The following HAUS8 variants were observed in gnomAD, a reference collection of about 807,000 sequenced individuals.
The protein encoded by HAUS8 is HAUS augmin-like complex subunit 8.
HAUS8 carries 38 observed loss-of-function variants against 42.9 expected under a neutral mutation model. That is an observed-to-expected ratio of 0.89 (90% CI 0.68 to 1.16). HAUS8 has a LOEUF of 1.16. HAUS8 is among the 50% of genes most tolerant of loss of function. The pLI is 0.00. For missense variants in HAUS8, 494 were observed against 511.6 expected (o/e 0.97, Z 0.33); for synonymous variants, 199 against 205.8 (o/e 0.97, Z 0.28).
At chr19:17,071,979 C>A (rs2057427758) in intron 2 of HAUS8, among the ~76,000 whole-genome samples, 1 of 152,024 alleles carries the variant, frequency 6.6e-6, no homozygotes, top group African/African-American at 2.4e-5. Flanking sequence ...GAGCGAGACT[C>A]CATCTCAAAA....
chr19:17,055,774 C>G, intron 9 of HAUS8, 87 bp downstream of exon 9: 1 of 1,400,252 alleles, frequency 7.1e-7, no homozygotes. Context: ...AGGGCACTTG[C>G]GGTGATGACA....
intron 1 of HAUS8, chr19:17,074,707 ATC>A (rs2057455194): frequency 6.6e-6 from 1 of 152,402 alleles, no homozygotes; most frequent in African/African-American, 2.4e-5. Context: ...GCTACTGTCA[ATC>A]TATCGGTTAC....
intron 2 of HAUS8, among the ~76,000 whole-genome samples, chr19:17,072,379 G>A (rs960991335): frequency 3.6e-5 from 4 of 112,016 alleles, no homozygotes; most frequent in South Asian, 3.1e-4. Context: ...AGTTTCGCTC[G>A]CCACCCAGGT....
At chr19:17,060,781 C>T (rs974836752) in intron 4 of HAUS8, among the ~76,000 whole-genome samples, 5 of 152,152 alleles carry the variant, frequency 3.3e-5, no homozygotes, top group South Asian at 2.1e-4. Context: ...CATCTTTTAA[C>T]GTATATTCTA....
At chr19:17,069,231 C>G in intron 2 of HAUS8, 145 bp from the exon 3 acceptor site, 1 of 707,498 alleles carries the variant, frequency 1.4e-6, no homozygotes. Context: ...TCCTCCTGCT[C>G]GCCTCTGATC....
Position 17,069,056 on chromosome 19 carries a change from T to G in HAUS8, c.122A>C (p.Gln41Pro). 6.2e-7 allele frequency: 1 copy of G among 1,613,610 alleles called. No homozygotes were observed. The highest frequency in any genetic ancestry group is 8.5e-7 in the Non-Finnish European group (1 of 1,179,778). The part of the protein sequence containing the change: ...GGRVIESRYL[Q>P]YEKKTTQKAP... ...CTTTTGGGTTGTCTTCTTTTCATACTGCAGATACCGGGACTCAATCACTCT... is the reference window on the plus strand; with the variant it reads ...CTTTTGGGTTGTCTTCTTTTCATACGGCAGATACCGGGACTCAATCACTCT... The change falls in exon 3 of 11, where the codon CAG (glutamine) becomes CCG (proline). Residue 41 changes from glutamine to proline, a missense_variant. Transcript: ENST00000253669.
At chr19:17,073,937 G>C (rs2057445521) in intron 1 of HAUS8, 4 of 152,796 alleles carry the variant, frequency 2.6e-5, no homozygotes. Flanking sequence ...GGGAGGCACA[G>C]GTTGCAGTGA....
At chr19:17,062,351 C>T (rs953196781) in intron 4 of HAUS8, among the ~76,000 whole-genome samples, 2 of 152,178 alleles carry the variant, frequency 1.3e-5, no homozygotes, top group African/African-American at 2.4e-5. Context: ...AGGTTGGTCT[C>T]GAACTCCCGA....
At position 17,069,073 on chromosome 19, in the gene HAUS8, A is replaced by G. The variant is rs374553610; in HGVS notation, c.105T>C (p.Ile35=). 3.8e-5 allele frequency: 62 copies of G among 1,613,420 alleles called. No homozygotes were observed. In the African/African-American group the frequency reaches 6.9e-4, roughly 18 times the overall value. Residue 35 remains isoleucine, a synonymous_variant, in exon 3 of 11, where the codon ATT becomes ATC. Transcript: ENST00000253669. ...KDKRVQGGRV[I]ESRYLQYEKK... is the part of the protein sequence containing the mutation. ...TTTCATACTGCAGATACCGGGACTCAATCACTCTTCCACCTGTGGGGACAC... is the reference window on the plus strand; with the variant it reads ...TTTCATACTGCAGATACCGGGACTCGATCACTCTTCCACCTGTGGGGACAC...
rs765570290 is a variant in HAUS8 at position 17,059,623 on chromosome 19, C to T, written c.354G>A (p.Gln118=). 7 of 1,613,878 alleles carry T rather than the reference C, an allele frequency of 4.3e-6. No individual in the cohort carries two copies. Among genetic ancestry groups the T allele is most frequent in the Non-Finnish European group, 5.9e-6 (7 of 1,179,860 alleles). The change falls in exon 6 of 11, where the codon CAG becomes CAA. Residue 118 remains glutamine (Q), a synonymous_variant. Transcript: ENST00000253669. ...NDKSIVKKTP[Q]LAKTISKKPE... Reference sequence around the variant, plus strand: ...GTTTCTTTGATATTGTTTTTGCTAACTGTGGCGTCTTTTTGACGATGCTTT... The same window carrying T: ...GTTTCTTTGATATTGTTTTTGCTAATTGTGGCGTCTTTTTGACGATGCTTT...
chr19:17,068,099 CTTTTTTTTTTTTTTT>C (rs889723027), intron 3 of HAUS8, among the ~76,000 whole-genome samples: 1 of 93,506 alleles, frequency 1.1e-5, no homozygotes, highest in Non-Finnish European at 2.1e-5. Flanking sequence ...TTATTTTATT[CTTTTTTTTTTTTTTT>C]TTTTTTTTTG....
intron 8 of HAUS8, among the ~76,000 whole-genome samples, chr19:17,057,187 T>G (rs1014793183): frequency 1.3e-5 from 2 of 152,052 alleles, no homozygotes; most frequent in African/African-American, 4.8e-5. Context: ...CTGTCTGTAC[T>G]AAAAATACAA....
In HAUS8 at chr19:17,073,314, T is replaced by G. The variant is rs1218830451; in HGVS notation, c.51A>C (p.Thr17=). The G allele has an allele frequency of 6.2e-7, 1 of 1,613,948 alleles. No homozygotes were observed. The highest frequency in any genetic ancestry group is 1.3e-5 in the African/African-American group (1 of 74,922). Residue 17 remains threonine (T), a synonymous_variant, in exon 2 of 11, where the codon ACA becomes ACC. Coordinates refer to ENST00000253669, the MANE Select transcript of HAUS8 (RefSeq NM_033417.2). ...CCTTCTTCTTGGCACTGCTAGAATT[T>G]GTGGGGCCGGTTGCAGGCTTCCTGC... The part of the protein sequence containing the change: ...RGAGKPATGP[T]NSSSAKKKDK...
rs139324925 is a variant in HAUS8 at position 17,066,718 on chromosome 19, T to C, written c.147+2313A>G. 9.9e-4 allele frequency among the ~76,000 whole-genome samples: 151 copies of C among 152,268 alleles called. 1 individual carries two copies. Among genetic ancestry groups the C allele is most frequent in the African/African-American group, 3.3e-3 (139 of 41,546 alleles). Reference sequence around the variant, plus strand: ...TGAGTGGGAGAATAGGAAACACAGTTTGAGTTTTTCTACGAGCCAGCAATC... The same window carrying C: ...TGAGTGGGAGAATAGGAAACACAGTCTGAGTTTTTCTACGAGCCAGCAATC... On this transcript the variant is annotated intron_variant, in intron 3 of 10. Coordinates refer to ENST00000253669, the MANE Select transcript of HAUS8 (RefSeq NM_033417.2).
At chr19:17,071,177 TGA>T (rs1396045731) in intron 2 of HAUS8, among the ~76,000 whole-genome samples, 6 of 152,160 alleles carry the variant, frequency 3.9e-5, no homozygotes, top group Admixed American at 6.5e-5. Flanking sequence ...TCACACAGCT[TGA>T]GAGTTCAGCC....
chr19:17,067,860 T>C (rs995120708), intron 3 of HAUS8, among the ~76,000 whole-genome samples: 33 of 152,264 alleles, frequency 2.2e-4, no homozygotes, highest in Admixed American at 2.2e-3. Flanking sequence ...GAATCCAACC[T>C]TGACTTCACT....
chr19:17,062,055 A>T (rs1299024492), intron 4 of HAUS8, among the ~76,000 whole-genome samples: 2 of 152,230 alleles, frequency 1.3e-5, no homozygotes, highest in African/African-American at 4.8e-5. Context: ...ATTGGCACAC[A>T]GCTATACCTG....
At chr19:17,061,999 C>T (rs1401123871) in intron 4 of HAUS8, among the ~76,000 whole-genome samples, 4 of 152,234 alleles carry the variant, frequency 2.6e-5, no homozygotes, top group Non-Finnish European at 5.9e-5. Flanking sequence ...CAAATTGTAG[C>T]TCATAGGCCA....
At chr19:17,060,225 TAAAA>T (rs35562523) in intron 4 of HAUS8, 133 bp from the exon 5 acceptor site, 15,401 of 276,380 alleles carry the variant, frequency 0.056, 4 homozygotes, top group Middle Eastern at 0.072. Flanking sequence ...GTGGAAAGGC[TAAAA>T]AAAAAAAAAA....
Sources: gnomAD v4.1 joint callset for allele counts (sites outside exome capture counted in the v4.1 genomes callset) on GRCh38, gnomAD v4.1.1 for gene constraint, MANE v1.5 for transcripts, NCBI Gene and HGNC (gene_info 2026-07-23, HGNC 2026-07-21) for gene names.